The following WWOX variants were observed in gnomAD, a reference collection of about 807,000 sequenced individuals.
WWOX encodes the protein WW domain-containing oxidoreductase.
In WWOX, 69 loss-of-function variants were observed where a neutral mutation model predicts 46.2. The observed-to-expected ratio is 1.49, with a 90% CI of 1.23 to 1.82. WWOX has a LOEUF of 1.82. Among genes scored for constraint, WWOX ranks in the 40% most tolerant of loss-of-function variants. WWOX has a pLI of 0.00. For synonymous variants in WWOX, 359 were observed against 202.6 expected (o/e 1.77, Z -6.56); for missense variants, 919 against 542.6 (o/e 1.69, Z -6.89).
chr16:78,870,458 CAAT>C (rs1266766710), intron 8 of WWOX, among the ~76,000 whole-genome samples: 1 of 151,894 alleles, frequency 6.6e-6, no homozygotes, highest in Non-Finnish European at 1.5e-5. Context: ...GGAATTGATA[CAAT>C]GTCTTGATTC....
At chr16:78,144,127 C>G (rs2034083332) in intron 4 of WWOX, among the ~76,000 whole-genome samples, 1 of 151,980 alleles carries the variant, frequency 6.6e-6, no homozygotes. Flanking sequence ...GTCAGTCTTA[C>G]TACTGATTAT....
chr16:78,397,801 A>T (rs1466272174), intron 6 of WWOX, among the ~76,000 whole-genome samples: 1 of 152,182 alleles, frequency 6.6e-6, no homozygotes, highest in Non-Finnish European at 1.5e-5. Flanking sequence ...CTGGGATTAT[A>T]GGCGTGAGCC....
chr16:79,014,270 T>A (rs2047369524), intron 8 of WWOX, among the ~76,000 whole-genome samples: 1 of 152,264 alleles, frequency 6.6e-6, no homozygotes, highest in African/African-American at 2.4e-5. Flanking sequence ...GACGGGAGAA[T>A]ACCATGCCCA....
intron 8 of WWOX, among the ~76,000 whole-genome samples, chr16:78,746,422 C>G (rs1030661057): frequency 1.3e-5 from 2 of 152,070 alleles, no homozygotes; most frequent in Non-Finnish European, 2.9e-5. Context: ...CAACTGAGCC[C>G]AGGAGTTTAA....
chr16:78,783,635 G>A (rs2050383096), intron 8 of WWOX, among the ~76,000 whole-genome samples: 1 of 152,148 alleles, frequency 6.6e-6, no homozygotes, highest in Non-Finnish European at 1.5e-5. Context: ...GATGTGCCTG[G>A]CATACCCCAT....
chr16:78,942,213 G>A (rs1025791323), intron 8 of WWOX, among the ~76,000 whole-genome samples: 6 of 152,144 alleles, frequency 3.9e-5, no homozygotes, highest in African/African-American at 1.4e-4. Flanking sequence ...AAAGAGTTTG[G>A]TATAGTCAAT....
intron 8 of WWOX, among the ~76,000 whole-genome samples, chr16:78,752,328 C>T (rs1255355980): frequency 3.3e-5 from 5 of 152,214 alleles, no homozygotes; most frequent in Non-Finnish European, 4.4e-5. Context: ...CACTCTGTTG[C>T]CCAGGCTAGA....
chr16:78,333,098 T>C (rs1277152723), intron 5 of WWOX, among the ~76,000 whole-genome samples: 2 of 135,882 alleles, frequency 1.5e-5, no homozygotes, highest in African/African-American at 5.5e-5. Flanking sequence ...CACCCAGGCC[T>C]GGAGTGCAGT....
chr16:79,029,618 T>C (rs562245988), intron 8 of WWOX, among the ~76,000 whole-genome samples: 5 of 152,236 alleles, frequency 3.3e-5, no homozygotes, highest in Non-Finnish European at 7.3e-5. Flanking sequence ...GTTAGGGTAA[T>C]ATATTCTTAT....
chr16:78,990,596 A>T (rs1597245823), intron 8 of WWOX, among the ~76,000 whole-genome samples: 1 of 152,172 alleles, frequency 6.6e-6, no homozygotes, highest in Admixed American at 6.6e-5. Flanking sequence ...TCACCACCCA[A>T]GTTGTAAGAT....
intron 5 of WWOX, among the ~76,000 whole-genome samples, chr16:78,237,169 C>A (rs8063113): frequency 1.3e-5 from 2 of 151,298 alleles, no homozygotes; most frequent in African/African-American, 4.9e-5. Context: ...CAAAGTCTGA[C>A]TGATTTATGT....
At chr16:78,790,053 T>A (rs2050554793) in intron 8 of WWOX, among the ~76,000 whole-genome samples, 1 of 152,230 alleles carries the variant, frequency 6.6e-6, no homozygotes, top group African/African-American at 2.4e-5. Flanking sequence ...CATGTAAGGC[T>A]CTTAGTATAA....
chr16:79,118,782 C>T (rs571274985), intron 8 of WWOX, among the ~76,000 whole-genome samples: 26 of 152,302 alleles, frequency 1.7e-4, no homozygotes, highest in African/African-American at 2.6e-4. Flanking sequence ...CATTGCCATA[C>T]GCCCATTTGG....
intron 8 of WWOX, among the ~76,000 whole-genome samples, chr16:79,174,407 G>C (rs995513975): frequency 6.6e-6 from 1 of 152,200 alleles, no homozygotes; most frequent in Non-Finnish European, 1.5e-5. Flanking sequence ...CCAGCTCTTT[G>C]GGAGGCTGAG....
intron 4 of WWOX, among the ~76,000 whole-genome samples, chr16:78,116,321 G>A (rs1737571767): frequency 6.6e-6 from 1 of 152,148 alleles, no homozygotes; most frequent in Non-Finnish European, 1.5e-5. Context: ...TGAAGCTGCA[G>A]AAATATTTTC....
intron 8 of WWOX, among the ~76,000 whole-genome samples, chr16:78,672,578 T>C (rs539481753): frequency 1.8e-4 from 27 of 152,332 alleles, no homozygotes. Flanking sequence ...CTCCAAACTG[T>C]GCCTAAATTG....
chr16:78,470,375 A>G (rs1597130611), intron 8 of WWOX, among the ~76,000 whole-genome samples: 1 of 152,270 alleles, frequency 6.6e-6, no homozygotes, highest in East Asian at 1.9e-4. Flanking sequence ...ATCACTTTGG[A>G]TTCTCATTTA....
At chr16:78,294,432 C>T (rs2079910242) in intron 5 of WWOX, among the ~76,000 whole-genome samples, 1 of 152,168 alleles carries the variant, frequency 6.6e-6, no homozygotes, top group Admixed American at 6.5e-5. Flanking sequence ...ATATTGCTGG[C>T]TTCTACTTGT....
chr16:78,636,152 G>T (rs1241287924), intron 8 of WWOX, among the ~76,000 whole-genome samples: 3 of 152,094 alleles, frequency 2.0e-5, no homozygotes, highest in African/African-American at 7.2e-5. Context: ...TTTAATAAAA[G>T]GTAGTATATT....
Sources: gnomAD v4.1 joint callset for allele counts (sites outside exome capture counted in the v4.1 genomes callset) on GRCh38, gnomAD v4.1.1 for gene constraint, MANE v1.5 for transcripts, NCBI Gene and HGNC (gene_info 2026-07-23, HGNC 2026-07-21) for gene names.